The following TMEM170A variants were observed in gnomAD, a reference collection of about 807,000 sequenced individuals.
The protein encoded by TMEM170A is transmembrane protein 170.
A neutral mutation model predicts 12.8 loss-of-function variants in TMEM170A; 18 were observed. The observed-to-expected ratio is 1.41, with a 90% CI of 0.97 to 2.09. TMEM170A has a LOEUF of 2.09. Ranked by LOEUF, TMEM170A falls within the 30% of genes most tolerant of loss-of-function variation. The pLI is 0.00. For synonymous variants in TMEM170A, 107 were observed against 76.2 expected, an observed-to-expected ratio of 1.40 and a Z score of -2.11; for missense variants, 220 against 179.9, an observed-to-expected ratio of 1.22 and a Z score of -1.28.
intron 2 of TMEM170A, among the ~76,000 whole-genome samples, chr16:75,451,283 C>T (rs764939862): frequency 1.3e-5 from 2 of 152,020 alleles, no homozygotes; most frequent in Non-Finnish European, 2.9e-5. Flanking sequence ...GGCACAGTGG[C>T]TCACGCCTGT....
intron 1 of TMEM170A, among the ~76,000 whole-genome samples, chr16:75,463,777 C>T (rs865804779): frequency 6.8e-4 from 104 of 152,304 alleles, no homozygotes; most frequent in African/African-American, 2.4e-3. Context: ...GAGCGCTCTT[C>T]CTGGCATTAG....
At chr16:75,450,334 T>C (rs1438956337) in intron 2 of TMEM170A, among the ~76,000 whole-genome samples, 1 of 151,984 alleles carries the variant, frequency 6.6e-6, no homozygotes, top group Non-Finnish European at 1.5e-5. Flanking sequence ...CATCTATACC[T>C]AAAAAAAGAA....
Position 75,447,471 on chromosome 16 carries a change from G to T in TMEM170A, c.*87C>A. On this transcript the variant is annotated 3_prime_UTR_variant, in exon 3 of 3. Transcript: ENST00000561878. Reference sequence around the variant, plus strand: ...TTCATCCAAGTTGCTTCCCTTTGAAGAACTAAGAAAACACTACACTCCATA... The same window carrying T: ...TTCATCCAAGTTGCTTCCCTTTGAATAACTAAGAAAACACTACACTCCATA... 1 of 1,395,584 alleles carries T rather than the reference G, an allele frequency of 7.2e-7. No individual in the cohort carries two copies. The highest frequency in any genetic ancestry group is 9.4e-7 in the Non-Finnish European group (1 of 1,061,342). 86.5% of individuals were successfully genotyped at this position (1,395,584 alleles called of 1,614,324 possible). A position where few individuals can be genotyped will look rare whatever the true frequency, so the allele number is the denominator to read the frequency against.
intron 1 of TMEM170A, chr16:75,458,388 A>G (rs540981461): frequency 6.6e-6 from 1 of 152,398 alleles, no homozygotes; most frequent in South Asian, 2.1e-4. Flanking sequence ...TGACTAAAGT[A>G]AGGATCTTCC....
At chr16:75,460,499 G>A (rs1285525410) in intron 1 of TMEM170A, among the ~76,000 whole-genome samples, 1 of 152,052 alleles carries the variant, frequency 6.6e-6, no homozygotes, top group East Asian at 1.9e-4. Context: ...GCTGCTCCCT[G>A]GCCTAGAACA....
intron 1 of TMEM170A, among the ~76,000 whole-genome samples, chr16:75,463,908 G>A (rs1442670604): frequency 6.6e-6 from 1 of 152,234 alleles, no homozygotes; most frequent in Admixed American, 6.5e-5. Flanking sequence ...GTGGCACCAG[G>A]TCTGGGAAAG....
intron 1 of TMEM170A, among the ~76,000 whole-genome samples, chr16:75,453,505 A>G (rs2079726160): frequency 1.3e-5 from 2 of 152,348 alleles, no homozygotes; most frequent in East Asian, 1.9e-4. Context: ...CAAAGAGCCA[A>G]TTGATACGGT....
rs1174999573 is a variant in TMEM170A, at chr16:75,457,002, C to A, written c.134-5163G>T. 2.0e-5 allele frequency among the ~76,000 whole-genome samples: 3 copies of A among 152,232 alleles called. No homozygotes were observed. The East Asian group carries it at 5.8e-4, about 29-fold the overall frequency. ...CCCAACACCTAGTCTACAGAAAATTCTATGATGGCATCAGGAATTCACTGG... is the reference window on the plus strand; with the variant it reads ...CCCAACACCTAGTCTACAGAAAATTATATGATGGCATCAGGAATTCACTGG... On this transcript the variant is annotated intron_variant, in intron 1 of 2. Transcript: ENST00000561878.
At chr16:75,463,419 C>T (rs961326174) in intron 1 of TMEM170A, among the ~76,000 whole-genome samples, 2 of 152,130 alleles carry the variant, frequency 1.3e-5, no homozygotes, top group Non-Finnish European at 2.9e-5. Context: ...GATGACCTTA[C>T]CCGCTACTTC....
intron 1 of TMEM170A, among the ~76,000 whole-genome samples, chr16:75,462,024 C>T (rs2079917893): frequency 6.6e-6 from 1 of 152,130 alleles, no homozygotes; most frequent in South Asian, 2.1e-4. Context: ...ACTTATGACC[C>T]TACATATGAC....
intron 1 of TMEM170A, among the ~76,000 whole-genome samples, chr16:75,457,877 T>A (rs1469064009): frequency 1.3e-5 from 2 of 152,126 alleles, no homozygotes; most frequent in African/African-American, 2.4e-5. Flanking sequence ...ATCACTAAAG[T>A]CATTTCAAGT....
intron 2 of TMEM170A, among the ~76,000 whole-genome samples, chr16:75,450,825 A>T (rs1054724425): frequency 3.3e-5 from 5 of 151,936 alleles, no homozygotes; most frequent in African/African-American, 1.2e-4. Flanking sequence ...CACTCAGCTA[A>T]ATTTTTTATT....
chr16:75,452,159 G>T (rs1279050768), intron 1 of TMEM170A, among the ~76,000 whole-genome samples: 1 of 152,076 alleles, frequency 6.6e-6, no homozygotes, highest in Non-Finnish European at 1.5e-5. Flanking sequence ...TTTTAGTAGA[G>T]ACGGGGTTTC....
chr16:75,456,834 C>A (rs947863798), intron 1 of TMEM170A, among the ~76,000 whole-genome samples: 1 of 152,194 alleles, frequency 6.6e-6, no homozygotes, highest in Non-Finnish European at 1.5e-5. Flanking sequence ...CCTGGCCTCC[C>A]AGCTGAGGCC....
At chr16:75,450,193 A>C (rs998364324) in intron 2 of TMEM170A, among the ~76,000 whole-genome samples, 20 of 151,936 alleles carry the variant, frequency 1.3e-4, no homozygotes, top group Admixed American at 2.0e-4. Context: ...AAAAAAAAAA[A>C]AAAAACACCT....
Position 75,443,501 on chromosome 16 carries a change from G to A in TMEM170A, c.*4057C>T, listed in dbSNP as rs1366663126. ...CCGATGCTTCACATTCCAGGAAATG[G>A]TTACTTAGGGAAGGTTGATATGTGC... On this transcript the variant is annotated 3_prime_UTR_variant, in exon 3 of 3. Coordinates refer to ENST00000561878, the MANE Select transcript of TMEM170A (RefSeq NM_145254.3). The A allele has an allele frequency of 1.3e-5, 2 of 152,098 alleles. No homozygotes were observed. The highest frequency in any genetic ancestry group is 1.5e-5 in the Non-Finnish European group (1 of 68,020). 9.4% of individuals were successfully genotyped at this position (152,098 alleles called of 1,614,324 possible). A position where few individuals can be genotyped will look rare whatever the true frequency, so the allele number is the denominator to read the frequency against.
intron 2 of TMEM170A, among the ~76,000 whole-genome samples, chr16:75,450,945 A>T (rs2151630744): frequency 6.6e-6 from 1 of 152,228 alleles, no homozygotes; most frequent in Admixed American, 6.5e-5. Flanking sequence ...TACAGTCATG[A>T]GCCACTACAC....
intron 1 of TMEM170A, among the ~76,000 whole-genome samples, chr16:75,463,633 C>T (rs890396125): frequency 6.6e-6 from 1 of 152,256 alleles, no homozygotes; most frequent in African/African-American, 2.4e-5. Flanking sequence ...GGGAGCCCCA[C>T]CTCCCCTTCC....
chr16:75,451,911 C>T, intron 1 of TMEM170A, 72 bp from the exon 2 acceptor site: 1 of 1,270,026 alleles, frequency 7.9e-7, no homozygotes, highest in Non-Finnish European at 1.1e-6. Flanking sequence ...GGGTACTCAT[C>T]ATACCCGTCA....
Sources: allele counts gnomAD v4.1 joint callset (sites outside exome capture counted in the v4.1 genomes callset), GRCh38; gene constraint gnomAD v4.1.1; transcripts MANE v1.5; gene names NCBI Gene and HGNC (gene_info 2026-07-23, HGNC 2026-07-21).